The following RSPH4A variants were observed in gnomAD, a reference collection of about 807,000 sequenced individuals.
RSPH4A encodes radial spoke head component 4A.
Under a neutral mutation model 71.0 loss-of-function variants are expected in RSPH4A, and 47 were observed. The ratio of observed to expected loss-of-function variants is 0.66; its 90% CI spans 0.52 to 0.84. The LOEUF is 0.84. Ranked by LOEUF, RSPH4A falls within the 40% of genes least tolerant of loss-of-function variation. RSPH4A has a pLI of 0.00. For synonymous variants in RSPH4A, 282 were observed against 302.3 expected, an observed-to-expected ratio of 0.93 and a Z score of 0.70; for missense variants, 793 against 855.2, an observed-to-expected ratio of 0.93 and a Z score of 0.91.
At position 116,616,903 on chromosome 6, in the gene RSPH4A, CCTT is replaced by C. The variant is rs1335525726; in HGVS notation, c.283_285del (p.Ser95del). On this transcript the variant is annotated inframe_deletion, in exon 1 of 6. Transcript: ENST00000229554. Reference sequence around the variant, plus strand: ...CTCTCCGCGGGAGCCCTCTTCCTCTCCTTCTCCCCTGGCTCCGGCCAGACAAGA... The same window carrying C: ...CTCTCCGCGGGAGCCCTCTTCCTCTCCTCCCCTGGCTCCGGCCAGACAAGA... 15 of 1,614,098 alleles carry C rather than the reference CCTT, an allele frequency of 9.3e-6. No individual in the cohort carries two copies. Among genetic ancestry groups the C allele is most frequent in the African/African-American group, 1.3e-5 (1 of 74,932 alleles).
chr6:116,632,181 T>C (rs60162711), intron 5 of RSPH4A, 26 bp from the exon 6 acceptor site: 6 of 1,533,592 alleles, frequency 3.9e-6, no homozygotes, highest in African/African-American at 1.4e-5. Flanking sequence ...ATGATCTTTT[T>C]TTCTTCTTCT....
At position 116,627,784 on chromosome 6, in the gene RSPH4A, C is replaced by A; in HGVS notation, c.1077C>A (p.Ile359=). The part of the protein sequence containing the change: ...PIQRCRFWGK[I]LGLEMNYIVA... The stretch of plus-strand genomic sequence containing the variant: ...AAAGATGCCGCTTCTGGGGAAAGAT[C>A]TTGGGTCTGGAAATGAATTATATTG... The change falls in exon 3 of 6, where the codon ATC becomes ATA. Residue 359 remains isoleucine (I), a synonymous_variant. Coordinates refer to ENST00000229554, the MANE Select transcript of RSPH4A (RefSeq NM_001010892.3). 1 of 1,613,988 alleles carries A rather than the reference C, an allele frequency of 6.2e-7. No individual in the cohort carries two copies. The highest frequency in any genetic ancestry group is 8.5e-7 in the Non-Finnish European group (1 of 1,180,018).
intron 2 of RSPH4A, 81 bp downstream of exon 2, chr6:116,623,083 ACTGTATTTTATAG>A (rs1562390075): frequency 1.9e-5 from 17 of 897,758 alleles, no homozygotes; most frequent in Admixed American, 5.8e-5. Context: ...ATTCATACCA[ACTGTATTTTATAG>A]CTTGTTTTGT....
At position 116,629,642 on chromosome 6, in the gene RSPH4A, T is replaced by C; in HGVS notation, c.1738T>C (p.Ser580Pro). ...EEEEDEEKDD[S>P]DYIEQEVGLP... Reference sequence around the variant, plus strand: ...GGAAGAAGATGAAGAAAAAGACGATTCTGACTACATAGAACAGGAAGTGGG... The same window carrying C: ...GGAAGAAGATGAAGAAAAAGACGATCCTGACTACATAGAACAGGAAGTGGG... The change falls in exon 4 of 6, where the codon TCT becomes CCT. Residue 580 changes from serine to proline, a missense_variant. Coordinates refer to ENST00000229554, the MANE Select transcript of RSPH4A (RefSeq NM_001010892.3). 1 of 1,613,452 alleles carries C rather than the reference T, an allele frequency of 6.2e-7. No individual in the cohort carries two copies. The highest frequency in any genetic ancestry group is 8.5e-7 in the Non-Finnish European group (1 of 1,179,406).
At position 116,630,457 on chromosome 6, in the gene RSPH4A, G is replaced by GACAACACGGTTATCCTCAAATCTCATTCC; in HGVS notation, c.1826_1854dup (p.Tyr619HisfsTer38). The stretch of plus-strand genomic sequence containing the variant: ...CAGAGATTCAGAATATACCCCCCTG[G>GACAACACGGTTATCCTCAAATCTCATTCC]ACAACACGGTTATCCTCAAATCTCA... On this transcript the variant is annotated frameshift_variant, in exon 5 of 6. Coordinates refer to ENST00000229554, the MANE Select transcript of RSPH4A (RefSeq NM_001010892.3). LOFTEE classifies it high-confidence loss of function. 1 of 1,604,838 alleles carries GACAACACGGTTATCCTCAAATCTCATTCC rather than the reference G, an allele frequency of 6.2e-7. No individual in the cohort carries two copies. The highest frequency in any genetic ancestry group is 8.5e-7 in the Non-Finnish European group (1 of 1,171,882).
rs141226759 is a variant in RSPH4A, at chr6:116,617,207, C to G, written c.584C>G (p.Pro195Arg). The change falls in exon 1 of 6, where the codon CCG (proline) becomes CGG (arginine). Residue 195 changes from proline (P) to arginine (R), a missense_variant. Coordinates refer to ENST00000229554, the MANE Select transcript of RSPH4A (RefSeq NM_001010892.3). The part of the protein sequence containing the change: ...DSNSDYDLQQ[P>R]APGGSEVAPS... ...AACAGTGACTATGATTTACAGCAGC[C>G]GGCGCCTGGGGGCTCTGAAGTGGCC... The G allele has an allele frequency of 5.6e-4, 907 of 1,614,150 alleles. No individual in the cohort carries two copies. Among genetic ancestry groups the G allele is most frequent in the Non-Finnish European group, 7.3e-4 (856 of 1,180,010 alleles).
intron 1 of RSPH4A, among the ~76,000 whole-genome samples, chr6:116,619,845 A>G (rs1030832104): frequency 1.3e-5 from 2 of 152,046 alleles, no homozygotes; most frequent in African/African-American, 4.8e-5. Context: ...CAGCCTCCCA[A>G]GTAGCTGGGA....
At position 116,632,531 on chromosome 6, in the gene RSPH4A, G is replaced by A. The variant is rs1562394097; in HGVS notation, c.*90G>A. 7 of 1,478,878 alleles carry A rather than the reference G, an allele frequency of 4.7e-6. No homozygotes were observed. The East Asian group carries it at 1.2e-4, about 26-fold the overall frequency. The allele number at this position is 1,478,878 out of a possible 1,614,324, so 91.6% of individuals were successfully genotyped here. On this transcript the variant is annotated 3_prime_UTR_variant, in exon 6 of 6. Transcript: ENST00000229554. Reference sequence around the variant, plus strand: ...TTTTACACTTTTCTGTGTTATGTGTGTATATACATACACATGTAAGAAATT... The same window carrying A: ...TTTTACACTTTTCTGTGTTATGTGTATATATACATACACATGTAAGAAATT...
At chr6:116,624,511 G>A (rs1161998942) in intron 2 of RSPH4A, among the ~76,000 whole-genome samples, 1 of 152,104 alleles carries the variant, frequency 6.6e-6, no homozygotes, top group African/African-American at 2.4e-5. Context: ...ATGGGACCTG[G>A]GCCCTTTAAC....
At chr6:116,623,096 G>A in intron 2 of RSPH4A, 94 bp downstream of exon 2, 2 of 746,004 alleles carry the variant, frequency 2.7e-6, no homozygotes, top group East Asian at 2.8e-5. Context: ...GTATTTTATA[G>A]CTTGTTTTGT....
chr6:116,627,489 C>T, intron 2 of RSPH4A, 140 bp from the exon 3 acceptor site: 1 of 792,008 alleles, frequency 1.3e-6, no homozygotes, highest in Admixed American at 2.0e-5. Context: ...AACCACTGCA[C>T]CCAGCCAATT....
At chr6:116,630,937 G>A (rs999238332) in intron 5 of RSPH4A, among the ~76,000 whole-genome samples, 1 of 132,874 alleles carries the variant, frequency 7.5e-6, no homozygotes, top group Non-Finnish European at 1.6e-5. Context: ...GATCCGCCCC[G>A]CCTCAGCATC....
chr6:116,622,203 A>G (rs1176338348), intron 1 of RSPH4A, among the ~76,000 whole-genome samples: 2 of 152,152 alleles, frequency 1.3e-5, no homozygotes, highest in African/African-American at 4.8e-5. Flanking sequence ...TGGCTTTAAA[A>G]ATAAAATGGA....
Position 116,616,499 on chromosome 6 carries a change from C to A in RSPH4A, c.-125C>A. 1.2e-6 allele frequency: 1 copy of A among 854,124 alleles called. No individual in the cohort carries two copies. Among genetic ancestry groups the A allele is most frequent in the Non-Finnish European group, 1.9e-6 (1 of 521,204 alleles). The allele number at this position is 854,124 out of a possible 1,614,324, so 52.9% of individuals were successfully genotyped here. ...TTGCTATGGAGATAGGACGCAGCAA[C>A]TCACAGAGCAACCAGGACCCAGAAA... On this transcript the variant is annotated 5_prime_UTR_variant, in exon 1 of 6. Transcript: ENST00000229554.
intron 1 of RSPH4A, among the ~76,000 whole-genome samples, chr6:116,622,531 C>T (rs1775626560): frequency 6.6e-6 from 1 of 152,112 alleles, no homozygotes; most frequent in Non-Finnish European, 1.5e-5. Flanking sequence ...AAGTGTTTAT[C>T]CTCTGAAAAT....
At chr6:116,626,102 C>T (rs1775687964) in intron 2 of RSPH4A, among the ~76,000 whole-genome samples, 1 of 152,054 alleles carries the variant, frequency 6.6e-6, no homozygotes, top group Non-Finnish European at 1.5e-5. Flanking sequence ...TTCTAGAGGG[C>T]CAAGTGGGAT....
In RSPH4A at chr6:116,619,034, C is replaced by T. The variant is rs150020828; in HGVS notation, c.686+1725C>T. Among the ~76,000 whole-genome samples, 41 of 152,314 alleles carry T rather than the reference C, an allele frequency of 2.7e-4. 2 individuals are homozygous for T. Among genetic ancestry groups the T allele is most frequent in the African/African-American group, 9.6e-4 (40 of 41,570 alleles). ...ATTATAAAGGATATTACAAAGGATGCATATGAAGAAGTATTGGGGAAGGAG... is the reference window on the plus strand; with the variant it reads ...ATTATAAAGGATATTACAAAGGATGTATATGAAGAAGTATTGGGGAAGGAG... On this transcript the variant is annotated intron_variant, in intron 1 of 5. Coordinates refer to ENST00000229554, the MANE Select transcript of RSPH4A (RefSeq NM_001010892.3).
chr6:116,623,570 TTAGAG>T (rs1489569295), intron 2 of RSPH4A, among the ~76,000 whole-genome samples: 2 of 152,190 alleles, frequency 1.3e-5, no homozygotes, highest in African/African-American at 2.4e-5. Flanking sequence ...CTCCTTGACA[TTAGAG>T]TAAAGGATTT....
Position 116,617,020 on chromosome 6 carries a change from G to A in RSPH4A, c.397G>A (p.Asp133Asn), listed in dbSNP as rs976414886. 20 of 1,614,058 alleles carry A rather than the reference G, an allele frequency of 1.2e-5. No homozygotes were observed. The African/African-American group carries it at 2.4e-4, about 19-fold the overall frequency. The stretch of plus-strand genomic sequence containing the variant: ...TCCTGATCCTTTGGAACAATCATCT[G>A]ATAAAAGAGAATCAACTCCTCATCA... ...PYPDPLEQSS[D>N]KRESTPHHTS... The change falls in exon 1 of 6, where the codon GAT (aspartate) becomes AAT (asparagine). Residue 133 changes from aspartate to asparagine, a missense_variant. Physicochemically the swap from Asp to Asn is conservative, Grantham distance 23. Transcript: ENST00000229554.
Sources: allele counts gnomAD v4.1 joint callset (sites outside exome capture counted in the v4.1 genomes callset), GRCh38; gene constraint gnomAD v4.1.1; transcripts MANE v1.5; gene names NCBI Gene and HGNC (gene_info 2026-07-23, HGNC 2026-07-21).